Variants in PARD3B observed in about 807,000 individuals in gnomAD.
The protein encoded by PARD3B is partitioning defective 3 homolog B.
Under a neutral mutation model 130.2 loss-of-function variants are expected in PARD3B, and 103 were observed. The ratio of observed to expected loss-of-function variants is 0.79; its 90% CI spans 0.67 to 0.93. The LOEUF (loss-of-function observed/expected upper bound fraction) is 0.93. Ranked by LOEUF, PARD3B falls within the 40% of genes least tolerant of loss-of-function variation. The probability of loss-of-function intolerance (pLI) is 0.00; values close to 1 mark genes in which losing one functional copy is unlikely to be tolerated. For synonymous variants in PARD3B, 583 were observed against 553.2 expected (o/e 1.05, Z -0.76); for missense variants, 1,609 against 1,499.2 (o/e 1.07, Z -1.21).
intron 2 of PARD3B, among the ~76,000 whole-genome samples, chr2:204,882,408 A>C (rs149348205): frequency 7.9e-5 from 12 of 152,328 alleles, no homozygotes; most frequent in Admixed American, 2.0e-4. Flanking sequence ...ATTTAGCCTA[A>C]TATTGGGTAA....
At chr2:205,362,484 G>A (rs1163595865) in intron 18 of PARD3B, among the ~76,000 whole-genome samples, 1 of 152,158 alleles carries the variant, frequency 6.6e-6, no homozygotes, top group Non-Finnish European at 1.5e-5. Context: ...TGTGTGTTCT[G>A]TTCCTTGGAG....
At chr2:204,909,918 T>C (rs2047173322) in intron 2 of PARD3B, among the ~76,000 whole-genome samples, 1 of 152,206 alleles carries the variant, frequency 6.6e-6, no homozygotes, top group African/African-American at 2.4e-5. Flanking sequence ...TCATTCCAAA[T>C]AGAAGATTCA....
At chr2:205,129,644 C>G (rs1227345418) in intron 10 of PARD3B, among the ~76,000 whole-genome samples, 2 of 152,176 alleles carry the variant, frequency 1.3e-5, no homozygotes, top group African/African-American at 4.8e-5. Flanking sequence ...AGAAACTGTC[C>G]TCTTTTGTTA....
chr2:204,829,257 G>A (rs1243537142), intron 2 of PARD3B, among the ~76,000 whole-genome samples: 1 of 152,190 alleles, frequency 6.6e-6, no homozygotes, highest in Non-Finnish European at 1.5e-5. Flanking sequence ...TGACTATTAT[G>A]TGCTAGGAAC....
chr2:204,562,831 A>ATT (rs1037620483), intron 1 of PARD3B, among the ~76,000 whole-genome samples: 2 of 148,558 alleles, frequency 1.3e-5, no homozygotes, highest in East Asian at 2.0e-4. Context: ...AATAAAAAAA[A>ATT]TTTTTTTTTT....
chr2:205,476,632 G>T (rs1575115930), intron 20 of PARD3B, among the ~76,000 whole-genome samples: 1 of 146,078 alleles, frequency 6.8e-6, no homozygotes, highest in African/African-American at 2.7e-5. Context: ...TTGTTTTTTT[G>T]TTTGTTTGTT....
At chr2:205,010,903 G>A (rs1695658163) in intron 3 of PARD3B, among the ~76,000 whole-genome samples, 2 of 152,006 alleles carry the variant, frequency 1.3e-5, no homozygotes, top group Non-Finnish European at 2.9e-5. Context: ...CACATTGTCT[G>A]TTACTTCCAG....
intron 15 of PARD3B, among the ~76,000 whole-genome samples, chr2:205,239,285 C>G (rs1460056066): frequency 1.3e-5 from 2 of 152,062 alleles, no homozygotes; most frequent in African/African-American, 4.8e-5. Flanking sequence ...TTGCTCCTCC[C>G]AGATCAATTG....
intron 6 of PARD3B, among the ~76,000 whole-genome samples, chr2:205,114,006 T>C (rs1703844090): frequency 6.6e-6 from 1 of 152,156 alleles, no homozygotes; most frequent in Non-Finnish European, 1.5e-5. Context: ...ATAATAAATA[T>C]TCTAACATTT....
At chr2:204,798,353 A>G (rs1237966363) in intron 2 of PARD3B, among the ~76,000 whole-genome samples, 1 of 152,116 alleles carries the variant, frequency 6.6e-6, no homozygotes, top group African/African-American at 2.4e-5. Context: ...GAGCATTTAG[A>G]CCAGCCCTGG....
In PARD3B at chr2:205,091,011, G is replaced by A. The variant is rs1290905341; in HGVS notation, c.505-13415G>A. Among the ~76,000 whole-genome samples, 1 of 152,182 alleles carries A rather than the reference G, an allele frequency of 6.6e-6. No individual in the cohort carries two copies. Among genetic ancestry groups the A allele is most frequent in the African/African-American group, 2.4e-5 (1 of 41,434 alleles). On this transcript the variant is annotated intron_variant, in intron 4 of 22. Coordinates refer to ENST00000406610, the MANE Select transcript of PARD3B (RefSeq NM_001302769.2). This position sits in a 1 kb window ranked among gnomAD's most constrained non-coding sequence, Gnocchi z 4.2. ...TGAATGGGATTCAAGGATTAATCCA[G>A]AGATGATATTTGGATTAAATCATCA...
chr2:205,522,798 T>G (rs189798158), intron 21 of PARD3B, among the ~76,000 whole-genome samples: 1 of 152,292 alleles, frequency 6.6e-6, no homozygotes. Flanking sequence ...ACCATCATAT[T>G]AAATGTAAAC....
intron 2 of PARD3B, among the ~76,000 whole-genome samples, chr2:204,951,578 T>G (rs1689775943): frequency 6.6e-6 from 1 of 152,224 alleles, no homozygotes; most frequent in Admixed American, 6.5e-5. Flanking sequence ...ACATTACTTT[T>G]TTAATAGATG....
Position 204,678,292 on chromosome 2 carries a change from C to T in PARD3B, c.121-7889C>T, listed in dbSNP as rs1314227285. On this transcript the variant is annotated intron_variant, in intron 1 of 22. Coordinates refer to ENST00000406610, the MANE Select transcript of PARD3B (RefSeq NM_001302769.2). The surrounding 1 kb of genome is among the most constrained non-coding windows in gnomAD (Gnocchi z 4.2). ...CAGTGGTTGCCCGCAACTTCTGGAG[C>T]CCCAGAGGTTGTGTATTACAAACAA... 6.6e-6 allele frequency among the ~76,000 whole-genome samples: 1 copy of T among 152,094 alleles called. No individual in the cohort carries two copies. The highest frequency in any genetic ancestry group is 1.9e-4 in the East Asian group (1 of 5,172).
At chr2:204,921,528 T>G (rs1384196193) in intron 2 of PARD3B, among the ~76,000 whole-genome samples, 1 of 148,248 alleles carries the variant, frequency 6.7e-6, no homozygotes, top group Non-Finnish European at 1.5e-5. Flanking sequence ...TAGAGTAGGG[T>G]GGAAGAAGCA....
chr2:205,368,917 C>T (rs1300995189), intron 18 of PARD3B, among the ~76,000 whole-genome samples: 1 of 151,826 alleles, frequency 6.6e-6, no homozygotes, highest in Non-Finnish European at 1.5e-5. Context: ...TTCTCTATGA[C>T]TTGTCTTCCT....
At chr2:205,401,944 T>C (rs899970156) in intron 19 of PARD3B, among the ~76,000 whole-genome samples, 2 of 152,214 alleles carry the variant, frequency 1.3e-5, no homozygotes, top group Non-Finnish European at 2.9e-5. Context: ...AACTTTTCAC[T>C]TGCTTATTAG....
intron 15 of PARD3B, among the ~76,000 whole-genome samples, chr2:205,198,203 C>T (rs538857055): frequency 6.6e-5 from 10 of 152,262 alleles, no homozygotes; most frequent in Non-Finnish European, 1.2e-4. Context: ...GCCTCCCACG[C>T]CCATTTCAGA....
chr2:205,161,202 G>A (rs1355495168), intron 11 of PARD3B, among the ~76,000 whole-genome samples: 1 of 152,136 alleles, frequency 6.6e-6, no homozygotes, highest in African/African-American at 2.4e-5. Flanking sequence ...TGGCGAGCAG[G>A]TTTAATATGT....
Sources: allele counts gnomAD v4.1 joint callset (sites outside exome capture counted in the v4.1 genomes callset), GRCh38; gene constraint gnomAD v4.1.1; non-coding constraint Gnocchi (gnomAD v3.1); transcripts MANE v1.5; gene names NCBI Gene and HGNC (gene_info 2026-07-23, HGNC 2026-07-21).